Variants in SIPA1L3 observed in about 807,000 individuals in gnomAD.
The protein encoded by SIPA1L3 is signal-induced proliferation-associated 1-like protein 3.
A neutral mutation model predicts 150.1 loss-of-function variants in SIPA1L3; 59 were observed. The ratio of observed to expected loss-of-function variants is 0.39; its 90% CI spans 0.32 to 0.49. The LOEUF (loss-of-function observed/expected upper bound fraction) is 0.49. Among genes scored for constraint, SIPA1L3 ranks in the 20% least tolerant of loss-of-function variants. SIPA1L3 has a pLI of 0.86. For synonymous variants in SIPA1L3, 1,070 were observed against 1,077.6 expected, an observed-to-expected ratio of 0.99 and a Z score of 0.14; for missense variants, 2,211 against 2,489.5, an observed-to-expected ratio of 0.89 and a Z score of 2.38.
chr19:38,126,485 T>A (rs561853643), intron 9 of SIPA1L3, among the ~76,000 whole-genome samples: 23 of 152,250 alleles, frequency 1.5e-4, no homozygotes, highest in Non-Finnish European at 1.9e-4. Context: ...GTGATTTTTT[T>A]AAGCTTATCA....
chr19:38,206,483 G>A lies in SIPA1L3; in HGVS notation c.*243G>A, dbSNP rs903376347. 1.0e-5 allele frequency: 5 copies of A among 478,292 alleles called. No individual in the cohort carries two copies. The highest frequency in any genetic ancestry group is 1.8e-5 in the Non-Finnish European group (5 of 271,754). The allele number at this position is 478,292 out of a possible 1,614,324, so 29.6% of individuals were successfully genotyped here. ...CTCCAAGCTGCCCAGCTGTGGTCCCGGTGAGCTGGGCTGTGCTTACACCGC... is the reference window on the plus strand; with the variant it reads ...CTCCAAGCTGCCCAGCTGTGGTCCCAGTGAGCTGGGCTGTGCTTACACCGC... On this transcript the variant is annotated 3_prime_UTR_variant, in exon 22 of 22. Coordinates refer to ENST00000222345, the MANE Select transcript of SIPA1L3 (RefSeq NM_015073.3).
At chr19:37,944,899 G>A (rs893659788) in intron 1 of SIPA1L3, among the ~76,000 whole-genome samples, 2 of 152,040 alleles carry the variant, frequency 1.3e-5, no homozygotes, top group African/African-American at 4.8e-5. Context: ...GGAGTAAGCC[G>A]AGGTTGTTGC....
chr19:38,023,929 C>T (rs1968438941), intron 1 of SIPA1L3, among the ~76,000 whole-genome samples: 1 of 152,098 alleles, frequency 6.6e-6, no homozygotes, highest in African/African-American at 2.4e-5. Context: ...GCCCAGCAGG[C>T]TAATAATCTG....
At chr19:38,160,369 G>C (rs554203148) in intron 13 of SIPA1L3, among the ~76,000 whole-genome samples, 1 of 150,506 alleles carries the variant, frequency 6.6e-6, no homozygotes, top group African/African-American at 2.4e-5. Flanking sequence ...CTAGGCTGGA[G>C]AGGTTAAACC....
intron 2 of SIPA1L3, among the ~76,000 whole-genome samples, chr19:38,030,623 A>AATACATATACATATATATAT (rs1250170240): frequency 4.7e-5 from 2 of 42,630 alleles, no homozygotes; most frequent in South Asian, 1.5e-3. Flanking sequence ...ATATGTGGCA[A>AATACATATACATATATATAT]ATATATATAT....
intron 15 of SIPA1L3, among the ~76,000 whole-genome samples, chr19:38,166,249 A>G (rs528005182): frequency 2.4e-4 from 37 of 151,662 alleles, no homozygotes; most frequent in East Asian, 2.0e-3. Flanking sequence ...AGGTCAGGAG[A>G]TCCAGACTGT....
At chr19:38,052,296 T>TACAG (rs1401154115) in intron 2 of SIPA1L3, among the ~76,000 whole-genome samples, 3 of 152,170 alleles carry the variant, frequency 2.0e-5, no homozygotes, top group Non-Finnish European at 4.4e-5. Context: ...ACAGGGAATT[T>TACAG]GGTTAAAAAA....
chr19:38,130,428 G>A (rs1028569530), intron 9 of SIPA1L3, 70 bp from the exon 10 acceptor site: 12 of 1,513,162 alleles, frequency 7.9e-6, no homozygotes, highest in Middle Eastern at 2.4e-4. Context: ...AGCGGGGAAC[G>A]TGACCAGGGG....
At chr19:38,044,368 G>C (rs1628394) in intron 2 of SIPA1L3, among the ~76,000 whole-genome samples, 62,011 of 152,040 alleles carry the variant, frequency 0.41, 14,358 homozygotes, top group African/African-American at 0.64. Flanking sequence ...TTGAAATCAC[G>C]AGGAGAGCCG....
chr19:38,111,929 A>G (rs567932936), intron 8 of SIPA1L3, among the ~76,000 whole-genome samples: 227 of 151,984 alleles, frequency 1.5e-3, no homozygotes, highest in Admixed American at 5.8e-3. Flanking sequence ...GCATCCGTGC[A>G]CACATGCACA....
chr19:37,911,765 C>T (rs1337307169), intron 1 of SIPA1L3, among the ~76,000 whole-genome samples: 1 of 152,010 alleles, frequency 6.6e-6, no homozygotes. Flanking sequence ...TCCCAAAGTG[C>T]TGGGATTACA....
intron 18 of SIPA1L3, among the ~76,000 whole-genome samples, chr19:38,198,014 G>A (rs1973001176): frequency 6.6e-6 from 1 of 152,286 alleles, no homozygotes; most frequent in Middle Eastern, 3.4e-3. Context: ...GCCTCCTGCT[G>A]CTTCCTCCCT....
chr19:38,175,899 T>A (rs560795895), intron 15 of SIPA1L3, among the ~76,000 whole-genome samples: 90 of 152,220 alleles, frequency 5.9e-4, no homozygotes, highest in Non-Finnish European at 1.1e-3. Flanking sequence ...ATGGGCACAC[T>A]GGCGCTCCAG....
intron 8 of SIPA1L3, among the ~76,000 whole-genome samples, chr19:38,116,213 T>C (rs1334472114): frequency 2.0e-5 from 3 of 152,032 alleles, no homozygotes; most frequent in Admixed American, 2.0e-4. Flanking sequence ...CCTGTGCCAT[T>C]AAGAAACATA....
intron 9 of SIPA1L3, among the ~76,000 whole-genome samples, chr19:38,127,124 G>A (rs577207664): frequency 3.3e-5 from 5 of 152,192 alleles, no homozygotes; most frequent in Non-Finnish European, 5.9e-5. Context: ...TCCAGGAAGC[G>A]GAGGTTGCGA....
In SIPA1L3 at chr19:37,909,743, G is replaced by A. The variant is rs181826910; in HGVS notation, c.-379+2385G>A. On this transcript the variant is annotated intron_variant, in intron 1 of 21. Coordinates refer to ENST00000222345, the MANE Select transcript of SIPA1L3 (RefSeq NM_015073.3). ...TGGTGTCAGCGGCTTAGAATATCCCGTGTGGGAGGGTGGCCATCCTGGGCA... is the reference window on the plus strand; with the variant it reads ...TGGTGTCAGCGGCTTAGAATATCCCATGTGGGAGGGTGGCCATCCTGGGCA... Among the ~76,000 whole-genome samples, 313 of 152,150 alleles carry A rather than the reference G, an allele frequency of 2.1e-3. 4 individuals carry two copies. Among genetic ancestry groups the A allele is most frequent in the Non-Finnish European group, 3.4e-4 (23 of 67,998 alleles).
At chr19:38,142,806 C>A in intron 12 of SIPA1L3, 96 bp downstream of exon 12, 1 of 1,446,466 alleles carries the variant, frequency 6.9e-7, no homozygotes, top group South Asian at 1.3e-5. Context: ...TTCTAGTTGC[C>A]ATTTTATGGT....
In SIPA1L3 at chr19:38,141,267, A is replaced by C; in HGVS notation, c.3227A>C (p.Tyr1076Ser). Residue 1076 changes from tyrosine (Y) to serine (S), a missense_variant, in exon 11 of 22, where the codon TAC (tyrosine) becomes TCC (serine). Around this residue, in one of 5 missense-constraint regions of SIPA1L3, gnomAD observed 806 missense variants for 870.1 expected, o/e 0.93. Coordinates refer to ENST00000222345, the MANE Select transcript of SIPA1L3 (RefSeq NM_015073.3). ...ESITPGGRPP[Y>S]RSNAPWQWSG... is the part of the protein sequence containing the mutation. The stretch of plus-strand genomic sequence containing the variant: ...ATCACTCCTGGGGGCCGGCCCCCCT[A>C]CCGCAGCAATGCTCCCTGGCAGTGG... 1.2e-6 allele frequency: 2 copies of C among 1,613,350 alleles called. No homozygotes were observed. Among genetic ancestry groups the C allele is most frequent in the African/African-American group, 2.7e-5 (2 of 74,878 alleles).
chr19:38,007,809 C>G (rs192182156), intron 1 of SIPA1L3, among the ~76,000 whole-genome samples: 6 of 152,076 alleles, frequency 3.9e-5, no homozygotes, highest in Admixed American at 2.6e-4. Context: ...CTCTGAGACA[C>G]CATCTCTGAG....
Sources: gnomAD v4.1 joint callset for allele counts (sites outside exome capture counted in the v4.1 genomes callset) on GRCh38, gnomAD v4.1.1 for gene constraint, gnomAD v4.1.1 regional missense constraint, MANE v1.5 for transcripts, NCBI Gene and HGNC (gene_info 2026-07-23, HGNC 2026-07-21) for gene names.